OR5B3: variants seen among roughly 807,000 people sequenced by gnomAD.
The protein encoded by OR5B3 is olfactory receptor 5B3.
For missense variants in OR5B3, 430 were observed against 375.4 expected (o/e 1.15, Z -1.20); for synonymous variants, 150 against 135.0 (o/e 1.11, Z -0.77).
At position 58,402,576 on chromosome 11, in the gene OR5B3, C is replaced by T. The variant is rs949280050; in HGVS notation, c.834G>A (p.Met278Ile). Reference sequence around the variant, plus strand: ...CCAGAGGGTTCAGCATGGGGATGACCATTGTATAGAACACAGGTGCCATTT... The same window carrying T: ...CCAGAGGGTTCAGCATGGGGATGACTATTGTATAGAACACAGGTGCCATTT... Reference protein sequence around the residue: ...TDKMAPVFYTMVIPMLNPLVY... With the variant: ...TDKMAPVFYTIVIPMLNPLVY... Residue 278 changes from methionine (M) to isoleucine (I), a missense_variant, in exon 2 of 2, where the codon ATG becomes ATA. Coordinates refer to ENST00000641865, the MANE Select transcript of OR5B3 (RefSeq NM_001005469.2). 1 of 1,613,218 alleles carries T rather than the reference C, an allele frequency of 6.2e-7. No individual in the cohort carries two copies. The highest frequency in any genetic ancestry group is 1.3e-5 in the African/African-American group (1 of 74,852).
Position 58,403,326 on chromosome 11 carries a change from C to T in OR5B3, c.84G>A (p.Thr28=), listed in dbSNP as rs375885871. 20 of 1,612,294 alleles carry T rather than the reference C, an allele frequency of 1.2e-5. No homozygotes were observed. Among genetic ancestry groups the T allele is most frequent in the South Asian group, 2.2e-5 (2 of 91,032 alleles). The stretch of plus-strand genomic sequence containing the variant: ...GAGTGATAATATAGATGAAGGGGAA[C>T]GTTATAAAGAGGGGAACCTGCAGTT... ...DSELQVPLFI[T]FPFIYIITLV... Residue 28 remains threonine, a synonymous_variant, in exon 2 of 2, where the codon ACG becomes ACA. Coordinates refer to ENST00000641865, the MANE Select transcript of OR5B3 (RefSeq NM_001005469.2).
Position 58,402,853 on chromosome 11 carries a change from G to A in OR5B3, c.557C>T (p.Ser186Phe). The change falls in exon 2 of 2, where the codon TCT becomes TTT. Residue 186 changes from serine to phenylalanine, a missense_variant. By Grantham distance (155) the Ser-to-Phe change is radical. Transcript: ENST00000641865. The part of the protein sequence containing the change: ...FCDIPAVMVL[S>F]CSDRHISELV... The stretch of plus-strand genomic sequence containing the variant: ...CTCGCTAATATGTCTATCAGAGCAA[G>A]AGAGAACCATGACTGCTGGAATATC... The A allele has an allele frequency of 6.2e-7, 1 of 1,613,972 alleles. No individual in the cohort carries two copies. The highest frequency in any genetic ancestry group is 8.5e-7 in the Non-Finnish European group (1 of 1,179,878).
chr11:58,402,690 G>C lies in OR5B3; in HGVS notation c.720C>G (p.Ala240=), dbSNP rs770547575. Residue 240 remains alanine (A), a synonymous_variant, in exon 2 of 2, where the codon GCC becomes GCG. Coordinates refer to ENST00000641865, the MANE Select transcript of OR5B3 (RefSeq NM_001005469.2). ...AGATGCCGACTGCAATGAAATGAGA[G>C]GCACAGGTGGACAAAGGCTTCTGGT... is the stretch of plus-strand genomic sequence containing the variant. ...SVYQKPLSTC[A]SHFIAVGIFY... The C allele has an allele frequency of 6.2e-6, 10 of 1,613,896 alleles. No individual in the cohort carries two copies. Among genetic ancestry groups the C allele is most frequent in the Non-Finnish European group, 8.5e-6 (10 of 1,179,902 alleles).
chr11:58,404,235 C>T (rs747909342), intron 1 of OR5B3, among the ~76,000 whole-genome samples: 4 of 151,658 alleles, frequency 2.6e-5, no homozygotes, highest in African/African-American at 7.3e-5. Context: ...TATCAGTCCA[C>T]GACTTACCAC....
At chr11:58,403,619 A>T (rs562345996) in intron 1 of OR5B3, among the ~76,000 whole-genome samples, 184 bp from the exon 2 acceptor site, 1 of 152,304 alleles carries the variant, frequency 6.6e-6, no homozygotes, top group East Asian at 1.9e-4. Flanking sequence ...GTTGAAACTG[A>T]AGAATCTTAG....
At chr11:58,405,193 C>T (rs185823759) in intron 1 of OR5B3, among the ~76,000 whole-genome samples, 74 of 152,218 alleles carry the variant, frequency 4.9e-4, no homozygotes, top group African/African-American at 1.8e-3. Flanking sequence ...ATTATGGCCT[C>T]CAGATTCATC....
intron 1 of OR5B3, among the ~76,000 whole-genome samples, chr11:58,404,489 C>A (rs1340907243): frequency 6.6e-6 from 1 of 151,302 alleles, no homozygotes; most frequent in African/African-American, 2.4e-5. Flanking sequence ...GGGCTGCAGG[C>A]ATGGGTGAGC....
At chr11:58,406,472 T>G (rs1004066196) in intron 1 of OR5B3, among the ~76,000 whole-genome samples, 1 of 151,942 alleles carries the variant, frequency 6.6e-6, no homozygotes, top group Non-Finnish European at 1.5e-5. Context: ...GAATGAACAT[T>G]TCACTTGTTT....
chr11:58,405,764 CT>C (rs1274958998), intron 1 of OR5B3, among the ~76,000 whole-genome samples: 1 of 151,416 alleles, frequency 6.6e-6, no homozygotes, highest in East Asian at 1.9e-4. Flanking sequence ...AAAAGTTGGA[CT>C]TTTTTTTTAA....
At chr11:58,404,397 G>A (rs1478506343) in intron 1 of OR5B3, among the ~76,000 whole-genome samples, 1 of 89,182 alleles carries the variant, frequency 1.1e-5, no homozygotes, top group African/African-American at 4.0e-5. Flanking sequence ...AGCCTAATGA[G>A]TGCTAGTTAT....
chr11:58,405,304 T>A (rs1301359478), intron 1 of OR5B3, among the ~76,000 whole-genome samples: 1 of 152,148 alleles, frequency 6.6e-6, no homozygotes, highest in Non-Finnish European at 1.5e-5. Context: ...ACTCAAAAGG[T>A]AATAAGTCAT....
intron 1 of OR5B3, among the ~76,000 whole-genome samples, chr11:58,404,465 G>A (rs1330267926): frequency 2.0e-5 from 3 of 150,986 alleles, no homozygotes; most frequent in Non-Finnish European, 4.4e-5. Flanking sequence ...GATAAAGGTG[G>A]ATGGTGACAA....
intron 1 of OR5B3, among the ~76,000 whole-genome samples, chr11:58,406,134 A>C (rs1855095996): frequency 6.6e-6 from 1 of 152,108 alleles, no homozygotes; most frequent in African/African-American, 2.4e-5. Flanking sequence ...CAATAATAAA[A>C]ACTTTATATA....
chr11:58,406,377 T>G lies in OR5B3; in HGVS notation c.-27+424A>C, dbSNP rs371546087. Among the ~76,000 whole-genome samples the G allele has an allele frequency of 1.4e-4, 21 of 152,302 alleles. No individual in the cohort carries two copies. The East Asian group carries it at 3.7e-3, about 27-fold the overall frequency. ...CCACATCACTGTCAACATAGGTAGA[T>G]GCGCTAATAGTAATGAGATTATAAA... On this transcript the variant is annotated intron_variant, in intron 1 of 1. Transcript: ENST00000641865.
rs769981516 is a variant in OR5B3 at position 58,403,273 on chromosome 11, A to G, written c.137T>C (p.Leu46Ser). Residue 46 changes from leucine to serine, a missense_variant, in exon 2 of 2, where the codon TTG becomes TCG. Coordinates refer to ENST00000641865, the MANE Select transcript of OR5B3 (RefSeq NM_001005469.2). ...GTGGAGACAGGAATCCCAGAATATC[A>G]ATACAATAATTCCCAGGTTTCCAAC... Reference protein sequence around the residue: ...TLVGNLGIIVLIFWDSCLHNP... With the variant: ...TLVGNLGIIVSIFWDSCLHNP... The G allele has an allele frequency of 3.1e-6, 5 of 1,613,564 alleles. No individual in the cohort carries two copies. The highest frequency in any genetic ancestry group is 2.2e-5 in the East Asian group (1 of 44,894).
rs1855055503 is a variant in OR5B3, at chr11:58,403,134, G to A, written c.276C>T (p.Tyr92=). Residue 92 remains tyrosine (Y), a synonymous_variant, in exon 2 of 2, where the codon TAC becomes TAT. Transcript: ENST00000641865. The part of the protein sequence containing the change: ...GFLIEDKVIS[Y]NACAAQMYIF... Reference sequence around the variant, plus strand: ...TATACATTTGAGCAGCACATGCATTGTAAGAGATGACCTTGTCTTCTATAA... The same window carrying A: ...TATACATTTGAGCAGCACATGCATTATAAGAGATGACCTTGTCTTCTATAA... 9 of 1,614,100 alleles carry A rather than the reference G, an allele frequency of 5.6e-6. No homozygotes were observed. The highest frequency in any genetic ancestry group is 7.6e-6 in the Non-Finnish European group (9 of 1,179,954).
chr11:58,402,938 T>A lies in OR5B3; in HGVS notation c.472A>T (p.Thr158Ser). The A allele has an allele frequency of 1.2e-6, 2 of 1,613,916 alleles. No individual in the cohort carries two copies. Among genetic ancestry groups the A allele is most frequent in the Non-Finnish European group, 1.7e-6 (2 of 1,179,886 alleles). ...AAAGAGAGACTAAATGTGTCCCCAG[T>A]GTGGATGGAGGCATTCAGGAAACCA... ...LCGFLNASIH[T>S]GDTFSLSFCK... Residue 158 changes from threonine to serine, a missense_variant, in exon 2 of 2, where the codon ACT becomes TCT. Physicochemically the swap from Thr to Ser is moderately conservative, Grantham distance 58. Transcript: ENST00000641865.
chr11:58,402,733 A>T lies in OR5B3; in HGVS notation c.677T>A (p.Met226Lys). The T allele has an allele frequency of 6.2e-7, 1 of 1,613,986 alleles. No individual in the cohort carries two copies. Among genetic ancestry groups the T allele is most frequent in the Non-Finnish European group, 8.5e-7 (1 of 1,179,958 alleles). The change falls in exon 2 of 2, where the codon ATG (methionine) becomes AAG (lysine). Residue 226 changes from methionine to lysine, a missense_variant. Physicochemically the swap from Met to Lys is moderately conservative, Grantham distance 95. Transcript: ENST00000641865. ...CTTCTGGTATACTGAAGCTGAGTGC[A>T]TCTTTAGGATGGTGATAAAAATGAA... ...YTFIFITILKMHSASVYQKPL... is the reference protein window; with the variant it reads ...YTFIFITILKKHSASVYQKPL...
At chr11:58,403,933 G>A (rs888743694) in intron 1 of OR5B3, among the ~76,000 whole-genome samples, 4 of 152,204 alleles carry the variant, frequency 2.6e-5, no homozygotes, top group African/African-American at 9.6e-5. Context: ...GGCAAGCCAT[G>A]CTTTGGACCC....
Sources: allele counts gnomAD v4.1 joint callset (sites outside exome capture counted in the v4.1 genomes callset), GRCh38; gene constraint gnomAD v4.1.1; transcripts MANE v1.5; gene names NCBI Gene and HGNC (gene_info 2026-07-23, HGNC 2026-07-21).